The following KCNK13 variants were observed in gnomAD, a reference collection of about 807,000 sequenced individuals.
KCNK13 encodes the protein potassium two pore domain channel subfamily K member 13, also known as potassium channel subfamily K member 13.
KCNK13 carries 12 observed loss-of-function variants against 23.4 expected under a neutral mutation model. The observed-to-expected ratio is 0.51, with a 90% CI of 0.33 to 0.83. KCNK13 has a LOEUF of 0.83. Ranked by LOEUF, KCNK13 falls within the 40% of genes least tolerant of loss-of-function variation. KCNK13 has a pLI of 0.02. For synonymous variants in KCNK13, 231 were observed against 229.5 expected (o/e 1.01, Z -0.06); for missense variants, 463 against 556.3 (o/e 0.83, Z 1.69).
intron 1 of KCNK13, among the ~76,000 whole-genome samples, chr14:90,102,901 C>T (rs1012841444): frequency 1.3e-5 from 2 of 151,872 alleles, no homozygotes; most frequent in African/African-American, 4.8e-5. Context: ...AGCATTATAC[C>T]CAGTAGGTAG....
chr14:90,162,874 A>G (rs1338391137), intron 1 of KCNK13, among the ~76,000 whole-genome samples: 1 of 152,258 alleles, frequency 6.6e-6, no homozygotes, highest in Non-Finnish European at 1.5e-5. Context: ...CATATATAGA[A>G]GACAAAGGGT....
At chr14:90,117,005 A>G (rs1889684801) in intron 1 of KCNK13, among the ~76,000 whole-genome samples, 1 of 152,230 alleles carries the variant, frequency 6.6e-6, no homozygotes, top group African/African-American at 2.4e-5. Flanking sequence ...CTATAATAAC[A>G]TTTAATTTAT....
At chr14:90,116,554 C>T (rs541290127) in intron 1 of KCNK13, among the ~76,000 whole-genome samples, 105 of 152,296 alleles carry the variant, frequency 6.9e-4, no homozygotes, top group African/African-American at 2.4e-3. Context: ...CAGCAGGCCC[C>T]GGCTAGGTCA....
chr14:90,075,287 T>C (rs1392453223), intron 1 of KCNK13, among the ~76,000 whole-genome samples: 2 of 152,216 alleles, frequency 1.3e-5, no homozygotes, highest in African/African-American at 2.4e-5. Context: ...GACCTCGGTT[T>C]ATTGGTGATA....
chr14:90,101,477 G>A (rs1889476360), intron 1 of KCNK13, among the ~76,000 whole-genome samples: 1 of 152,006 alleles, frequency 6.6e-6, no homozygotes, highest in Non-Finnish European at 1.5e-5. Flanking sequence ...TTCAGGGTAT[G>A]CTGCTCTGGT....
At chr14:90,125,506 A>G (rs910975445) in intron 1 of KCNK13, among the ~76,000 whole-genome samples, 16 of 151,768 alleles carry the variant, frequency 1.1e-4, no homozygotes, top group African/African-American at 3.9e-4. Flanking sequence ...TACAGGTGTG[A>G]GCCACCTTGC....
chr14:90,149,787 C>T (rs1827488471), intron 1 of KCNK13, among the ~76,000 whole-genome samples: 1 of 152,132 alleles, frequency 6.6e-6, no homozygotes, highest in Admixed American at 6.5e-5. Flanking sequence ...ATTCAGAAGG[C>T]ATTTTTAAGA....
chr14:90,087,972 A>G (rs575213653), intron 1 of KCNK13, among the ~76,000 whole-genome samples: 31 of 152,042 alleles, frequency 2.0e-4, no homozygotes, highest in Non-Finnish European at 4.1e-4. Flanking sequence ...ATTCAATGCT[A>G]CTTCTTGCTT....
intron 1 of KCNK13, among the ~76,000 whole-genome samples, chr14:90,093,968 G>A (rs1458093967): frequency 6.6e-6 from 1 of 152,070 alleles, no homozygotes; most frequent in Non-Finnish European, 1.5e-5. Flanking sequence ...GGATTTGCAG[G>A]GGGTGCCATT....
intron 1 of KCNK13, among the ~76,000 whole-genome samples, chr14:90,117,156 T>C (rs1302975273): frequency 6.6e-6 from 1 of 152,220 alleles, no homozygotes; most frequent in Non-Finnish European, 1.5e-5. Context: ...CAGCAGTGGA[T>C]CTGATAGCCT....
intron 1 of KCNK13, among the ~76,000 whole-genome samples, chr14:90,113,544 A>T (rs374999287): frequency 6.6e-6 from 1 of 152,296 alleles, no homozygotes; most frequent in South Asian, 2.1e-4. Flanking sequence ...TGAAATCCAA[A>T]TGAAATCTGG....
intron 1 of KCNK13, among the ~76,000 whole-genome samples, chr14:90,119,247 T>C (rs1487211650): frequency 6.6e-6 from 1 of 152,170 alleles, no homozygotes; most frequent in African/African-American, 2.4e-5. Flanking sequence ...CTACTGAAAC[T>C]ATTCCAAAAT....
chr14:90,090,625 C>A (rs1433985163), intron 1 of KCNK13, among the ~76,000 whole-genome samples: 1 of 152,068 alleles, frequency 6.6e-6, no homozygotes, highest in Non-Finnish European at 1.5e-5. Context: ...GGGGCCAGGG[C>A]AGAATGATAT....
At chr14:90,161,297 G>C (rs1890250716) in intron 1 of KCNK13, among the ~76,000 whole-genome samples, 1 of 152,164 alleles carries the variant, frequency 6.6e-6, no homozygotes, top group African/African-American at 2.4e-5. Context: ...CCGCAGTGGG[G>C]CGAGGGAACA....
intron 1 of KCNK13, among the ~76,000 whole-genome samples, chr14:90,135,269 G>A (rs1889921982): frequency 6.6e-6 from 1 of 152,178 alleles, no homozygotes. Context: ...TTTGGCAAAG[G>A]AAAGAGGGGA....
chr14:90,153,924 C>CACCAGGTGG (rs1890164685), intron 1 of KCNK13, among the ~76,000 whole-genome samples: 1 of 152,212 alleles, frequency 6.6e-6, no homozygotes, highest in Admixed American at 6.5e-5. Context: ...CACCTAGCCT[C>CACCAGGTGG]TGTCCTGGCG....
intron 1 of KCNK13, among the ~76,000 whole-genome samples, chr14:90,171,601 A>G (rs1596809688): frequency 6.6e-6 from 1 of 152,334 alleles, no homozygotes; most frequent in East Asian, 1.9e-4. Flanking sequence ...TTAGGGAGAC[A>G]TGAGACGTCA....
chr14:90,139,475 G>A (rs968347297), intron 1 of KCNK13, among the ~76,000 whole-genome samples: 23 of 124 alleles, frequency 0.19, no homozygotes, highest in African/African-American at 0.34. Context: ...CGAGCATGCG[G>A]GGGCCCTGTA....
intron 1 of KCNK13, among the ~76,000 whole-genome samples, chr14:90,134,910 T>A (rs1386644422): frequency 6.6e-6 from 1 of 152,340 alleles, no homozygotes; most frequent in African/African-American, 2.4e-5. Context: ...GAAAACACTT[T>A]CCTAGATGAT....
Sources: gnomAD v4.1 joint callset for allele counts (sites outside exome capture counted in the v4.1 genomes callset) on GRCh38, gnomAD v4.1.1 for gene constraint, MANE v1.5 for transcripts, NCBI Gene and HGNC (gene_info 2026-07-23, HGNC 2026-07-21) for gene names.